PCDHGB2: variants seen among roughly 807,000 people sequenced by gnomAD.
The protein encoded by PCDHGB2 is protocadherin gamma-B2.
PCDHGB2 carries 55 observed loss-of-function variants against 59.3 expected under a neutral mutation model. That is an observed-to-expected ratio of 0.93 (90% CI 0.75 to 1.16). The LOEUF is 1.16. PCDHGB2 is among the 50% of genes most tolerant of loss of function. The probability of loss-of-function intolerance (pLI) is 0.00; values close to 1 mark genes in which losing one functional copy is unlikely to be tolerated. For missense variants in PCDHGB2, 1,228 were observed against 1,198.5 expected (o/e 1.02, Z -0.36); for synonymous variants, 516 against 512.0 (o/e 1.01, Z -0.11).
Position 141,361,161 on chromosome 5 carries a change from T to C in PCDHGB2, c.1026T>C (p.Asp342=), listed in dbSNP as rs1761911989. 2 of 1,613,838 alleles carry C rather than the reference T, an allele frequency of 1.2e-6. No homozygotes were observed. The highest frequency in any genetic ancestry group is 1.3e-5 in the African/African-American group (1 of 74,926). The change falls in exon 1 of 4, where the codon GAT becomes GAC. Residue 342 remains aspartate, a synonymous_variant. Transcript: ENST00000522605. ...SIQVEILDDN[D]CAPEVIVTSV... The stretch of plus-strand genomic sequence containing the variant: ...AAGTTGAAATTCTTGATGACAACGA[T>C]TGTGCACCTGAAGTTATTGTGACTT...
At chr5:141,416,859 G>C (rs1411419006) in intron 1 of PCDHGB2, 1 of 151,936 alleles carries the variant, frequency 6.6e-6, no homozygotes, top group African/African-American at 2.4e-5. Context: ...ATTTTTTTCA[G>C]GTCAGTCAAC....
At chr5:141,478,133 G>T (rs769287158) in intron 1 of PCDHGB2, 1 of 1,614,060 alleles carries the variant, frequency 6.2e-7, no homozygotes, top group Non-Finnish European at 8.5e-7. Flanking sequence ...CTCTCCTGAA[G>T]CCCGAGCCGA....
At chr5:141,482,936 G>T (rs2099574800) in intron 1 of PCDHGB2, among the ~76,000 whole-genome samples, 1 of 152,050 alleles carries the variant, frequency 6.6e-6, no homozygotes, top group Admixed American at 6.5e-5. Context: ...AGCCAGGTGT[G>T]GTTGTGGGTG....
chr5:141,415,968 C>T (rs1382830747), intron 1 of PCDHGB2: 2 of 390,600 alleles, frequency 5.1e-6, no homozygotes, highest in African/African-American at 2.1e-5. Context: ...ACTCCAGCCC[C>T]TTAAGCAACC....
chr5:141,484,788 TAAC>T (rs1245576501), intron 1 of PCDHGB2, among the ~76,000 whole-genome samples: 1 of 151,732 alleles, frequency 6.6e-6, no homozygotes, highest in Non-Finnish European at 1.5e-5. Flanking sequence ...CCCACAGAGA[TAAC>T]AACCCGTGGA....
intron 1 of PCDHGB2, chr5:141,388,600 C>G (rs1561620181): frequency 6.2e-7 from 1 of 1,613,856 alleles, no homozygotes; most frequent in Non-Finnish European, 8.5e-7. Context: ...AATGATAATG[C>G]TCCAGTGTTC....
At chr5:141,374,203 G>A (rs375029709) in intron 1 of PCDHGB2, 16 of 1,613,808 alleles carry the variant, frequency 9.9e-6, no homozygotes, top group Non-Finnish European at 1.1e-5. Flanking sequence ...AGGAGCTGGA[G>A]AAAGGCTCCT....
rs781173070 is a variant in PCDHGB2, at chr5:141,374,478, G to T, written c.2421+11922G>T. 3.1e-6 allele frequency: 5 copies of T among 1,611,820 alleles called. No homozygotes were observed. In the Admixed American group the frequency reaches 5.0e-5, roughly 16 times the overall value. The stretch of plus-strand genomic sequence containing the variant: ...GTGGACATTAATGACAATACACCCC[G>T]ATTCTTAAAGGAAGAATTGGAAGTG... On this transcript the variant is annotated intron_variant, in intron 1 of 3. Coordinates refer to ENST00000522605, the MANE Select transcript of PCDHGB2 (RefSeq NM_018923.3).
chr5:141,509,873 G>C (rs2099878704), intron 3 of PCDHGB2, among the ~76,000 whole-genome samples: 1 of 152,196 alleles, frequency 6.6e-6, no homozygotes, highest in South Asian at 2.1e-4. Flanking sequence ...CAAGCTGCTG[G>C]TGGTGATGGT....
intron 1 of PCDHGB2, chr5:141,371,055 T>A (rs1438717717): frequency 5.6e-6 from 9 of 1,613,768 alleles, no homozygotes; most frequent in Non-Finnish European, 7.6e-6. Flanking sequence ...GGGCGAGCCC[T>A]CCAGAAGCTG....
intron 1 of PCDHGB2, chr5:141,398,616 C>T (rs922729367): frequency 6.2e-7 from 1 of 1,614,020 alleles, no homozygotes; most frequent in Non-Finnish European, 8.5e-7. Flanking sequence ...CAGATATTGG[C>T]TTAAACTCTC....
chr5:141,413,530 A>G (rs879218343), intron 1 of PCDHGB2: 1 of 1,613,954 alleles, frequency 6.2e-7, no homozygotes, highest in Non-Finnish European at 8.5e-7. Context: ...AGACAGGGTG[A>G]AACTTTTTGG....
chr5:141,436,594 G>A (rs79477223), intron 1 of PCDHGB2, among the ~76,000 whole-genome samples: 2 of 152,106 alleles, frequency 1.3e-5, no homozygotes, highest in African/African-American at 2.4e-5. Flanking sequence ...AAAGGTCGTG[G>A]TGATGGCTAG....
chr5:141,393,902 G>A, intron 1 of PCDHGB2: 2 of 1,613,968 alleles, frequency 1.2e-6, no homozygotes, highest in Non-Finnish European at 8.5e-7. Context: ...CTCTTCCCGG[G>A]ACAGTAATTG....
chr5:141,489,174 C>A lies in PCDHGB2; in HGVS notation c.2422-5633C>A. On this transcript the variant is annotated intron_variant, in intron 1 of 3. Coordinates refer to ENST00000522605, the MANE Select transcript of PCDHGB2 (RefSeq NM_018923.3). The surrounding 1 kb of genome is among the most constrained non-coding windows in gnomAD (Gnocchi z 4.5). ...ATAAGAGACTTCAGCTGCTGCATTC[C>A]AAGCCCTGGGTCTACCTTGGAGACA... The A allele has an allele frequency of 8.2e-7, 1 of 1,224,772 alleles. No individual in the cohort carries two copies. 75.9% of individuals were successfully genotyped at this position (1,224,772 alleles called of 1,614,324 possible).
rs1176011355 is a variant in PCDHGB2, at chr5:141,485,491, G to C, written c.2422-9316G>C. Reference sequence around the variant, plus strand: ...TCAGTGCCAGCTGCATCGTGCCCCTGGAGTTTGTCACCGAAGGTCCTTTGG... The same window carrying C: ...TCAGTGCCAGCTGCATCGTGCCCCTCGAGTTTGTCACCGAAGGTCCTTTGG... On this transcript the variant is annotated intron_variant, in intron 1 of 3. Coordinates refer to ENST00000522605, the MANE Select transcript of PCDHGB2 (RefSeq NM_018923.3). This position sits in a 1 kb window ranked among gnomAD's most constrained non-coding sequence, Gnocchi z 5.7. 6.2e-7 allele frequency: 1 copy of C among 1,614,142 alleles called. No homozygotes were observed. The highest frequency in any genetic ancestry group is 1.3e-5 in the African/African-American group (1 of 75,018).
At chr5:141,497,272 T>G (rs568198729) in intron 2 of PCDHGB2, among the ~76,000 whole-genome samples, 20 of 152,254 alleles carry the variant, frequency 1.3e-4, no homozygotes, top group African/African-American at 4.3e-4. Flanking sequence ...CTAGGCCATT[T>G]ATGTTCCCTC....
At chr5:141,393,769 T>C in intron 1 of PCDHGB2, 2 of 1,613,912 alleles carry the variant, frequency 1.2e-6, no homozygotes, top group Non-Finnish European at 1.7e-6. Flanking sequence ...GAAATGGAAA[T>C]ACAAGCCGAA....
chr5:141,402,642 A>C (rs1236156893), intron 1 of PCDHGB2, among the ~76,000 whole-genome samples: 2 of 152,240 alleles, frequency 1.3e-5, no homozygotes, highest in Non-Finnish European at 2.9e-5. Flanking sequence ...TAAAATCATA[A>C]TTAGAAGAGA....
Sources: gnomAD v4.1 joint callset for allele counts (sites outside exome capture counted in the v4.1 genomes callset) on GRCh38, gnomAD v4.1.1 for gene constraint, Gnocchi (gnomAD v3.1) non-coding constraint, MANE v1.5 for transcripts, NCBI Gene and HGNC (gene_info 2026-07-23, HGNC 2026-07-21) for gene names.